COL19A1: variants seen among roughly 807,000 people sequenced by gnomAD.
COL19A1 encodes collagen type XIX alpha 1 chain.
In COL19A1, 159 loss-of-function variants were observed where a neutral mutation model predicts 190.2. The ratio of observed to expected loss-of-function variants is 0.84; its 90% CI spans 0.73 to 0.95. The LOEUF (loss-of-function observed/expected upper bound fraction) is 0.95. Among genes scored for constraint, COL19A1 ranks in the 40% least tolerant of loss-of-function variants. COL19A1 has a pLI of 0.00. For synonymous variants in COL19A1, 509 were observed against 458.9 expected (o/e 1.11, Z -1.39); for missense variants, 1,418 against 1,431.9 (o/e 0.99, Z 0.16).
chr6:70,165,912 C>G, intron 36 of COL19A1, 29 bp from the exon 37 acceptor site: 1 of 1,610,312 alleles, frequency 6.2e-7, no homozygotes, highest in South Asian at 1.1e-5. Flanking sequence ...AACGTCTACG[C>G]CGCTGATATG....
intron 40 of COL19A1, among the ~76,000 whole-genome samples, chr6:70,169,786 A>G (rs1383272947): frequency 6.6e-6 from 1 of 152,094 alleles, no homozygotes; most frequent in East Asian, 1.9e-4. Flanking sequence ...TTGTTGATAA[A>G]AATTTCCTCC....
rs1423214203 is a variant in COL19A1, at chr6:70,047,282, A to C, written c.1170+11343A>C. On this transcript the variant is annotated intron_variant, in intron 14 of 50. Coordinates refer to ENST00000620364, the MANE Select transcript of COL19A1 (RefSeq NM_001858.6). ...AACCAGTGAGTTACTGATAAACTTAAATTATCTCTTCTGTTGATATTTGTA... is the reference window on the plus strand; with the variant it reads ...AACCAGTGAGTTACTGATAAACTTACATTATCTCTTCTGTTGATATTTGTA... 2.6e-5 allele frequency among the ~76,000 whole-genome samples: 4 copies of C among 152,258 alleles called. No homozygotes were observed. In the East Asian group the frequency reaches 7.7e-4, roughly 29 times the overall value.
intron 16 of COL19A1, among the ~76,000 whole-genome samples, chr6:70,105,224 C>A (rs1330242362): frequency 2.0e-5 from 3 of 152,164 alleles, no homozygotes; most frequent in Non-Finnish European, 4.4e-5. Context: ...GTGGCATGAT[C>A]TCGGCTCACT....
At chr6:70,038,074 T>G (rs1779447367) in intron 14 of COL19A1, among the ~76,000 whole-genome samples, 3 of 152,236 alleles carry the variant, frequency 2.0e-5, no homozygotes, top group Non-Finnish European at 2.9e-5. Flanking sequence ...ACTAAATATT[T>G]AATTGATCTT....
intron 14 of COL19A1, among the ~76,000 whole-genome samples, chr6:70,040,058 G>A (rs1779559824): frequency 6.6e-6 from 1 of 152,048 alleles, no homozygotes; most frequent in South Asian, 2.1e-4. Context: ...GAACCACTGA[G>A]TCCAGCTGGG....
chr6:69,982,527 C>G (rs1338502648), intron 11 of COL19A1, among the ~76,000 whole-genome samples: 1 of 151,856 alleles, frequency 6.6e-6, no homozygotes, highest in South Asian at 2.1e-4. Flanking sequence ...GGGTGAGCCA[C>G]TGCACCTGGC....
At position 70,210,637 on chromosome 6, in the gene COL19A1, T is replaced by C. The variant is rs1055853191; in HGVS notation, c.*3363T>C. On this transcript the variant is annotated 3_prime_UTR_variant, in exon 51 of 51. Coordinates refer to ENST00000620364, the MANE Select transcript of COL19A1 (RefSeq NM_001858.6). ...TTTAGCCTTTCTGCAGTCTGTCTCA[T>C]CTGTTGGGAACCTGTGATATACCTC... Among the ~76,000 whole-genome samples the C allele has an allele frequency of 2.6e-5, 4 of 152,174 alleles. No individual in the cohort carries two copies. The highest frequency in any genetic ancestry group is 2.9e-5 in the Non-Finnish European group (2 of 68,004).
intron 15 of COL19A1, among the ~76,000 whole-genome samples, chr6:70,099,661 G>A (rs1783505301): frequency 6.6e-6 from 1 of 152,138 alleles, no homozygotes; most frequent in African/African-American, 2.4e-5. Flanking sequence ...GCTTTGTATA[G>A]CACATCTTTA....
At chr6:70,148,708 C>G (rs909884031) in intron 27 of COL19A1, among the ~76,000 whole-genome samples, 5 of 152,086 alleles carry the variant, frequency 3.3e-5, no homozygotes, top group Admixed American at 3.3e-4. Flanking sequence ...AGGTGGATCA[C>G]TTGAGGTCAG....
rs1359362990 is a variant in COL19A1 at position 70,023,695 on chromosome 6, T to C, written c.1080+15T>C. On this transcript the variant is annotated intron_variant, in intron 12 of 50. Transcript: ENST00000620364. ...ATGGAGAAAATGTAAGCCTAACTCT[T>C]TTTTCTGATACTCTGTTTACATTTT... 6.2e-7 allele frequency: 1 copy of C among 1,602,804 alleles called. No homozygotes were observed. Among genetic ancestry groups the C allele is most frequent in the South Asian group, 1.1e-5 (1 of 89,120 alleles).
chr6:70,008,206 A>G (rs1454587365), intron 11 of COL19A1, among the ~76,000 whole-genome samples: 1 of 151,860 alleles, frequency 6.6e-6, no homozygotes, highest in Non-Finnish European at 1.5e-5. Context: ...TAAAAATGGG[A>G]AAAAAATAAC....
At chr6:70,066,389 A>T (rs1017637729) in intron 14 of COL19A1, among the ~76,000 whole-genome samples, 8 of 152,126 alleles carry the variant, frequency 5.3e-5, no homozygotes, top group Non-Finnish European at 1.0e-4. Flanking sequence ...CATAGGTGGG[A>T]ATTGAGCAAT....
intron 14 of COL19A1, among the ~76,000 whole-genome samples, chr6:70,046,395 C>A (rs141810750): frequency 6.6e-6 from 1 of 152,184 alleles, no homozygotes; most frequent in Non-Finnish European, 1.5e-5. Flanking sequence ...AAATTCCATA[C>A]AATGGCCTAC....
chr6:70,144,256 G>C lies in COL19A1; in HGVS notation c.1673G>C (p.Gly558Ala), dbSNP rs1298547863. 3 of 1,612,144 alleles carry C rather than the reference G, an allele frequency of 1.9e-6. No homozygotes were observed. In the South Asian group the frequency reaches 3.3e-5, roughly 18 times the overall value. ...ATCCCAGGAAAACAAGGCATTAAAGGAGAAAAGGTATAGTTTACATTTTCC... is the reference window on the plus strand; with the variant it reads ...ATCCCAGGAAAACAAGGCATTAAAGCAGAAAAGGTATAGTTTACATTTTCC... ...HGIPGKQGIKGEKGDPGGIIG... is the reference protein window; with the variant it reads ...HGIPGKQGIKAEKGDPGGIIG... Residue 558 changes from glycine to alanine, a missense_variant, in exon 24 of 51, where the codon GGA becomes GCA. By Grantham distance (60) the Gly-to-Ala change is moderately conservative. Coordinates refer to ENST00000620364, the MANE Select transcript of COL19A1 (RefSeq NM_001858.6).
At chr6:69,912,598 T>C (rs1311031312) in intron 4 of COL19A1, among the ~76,000 whole-genome samples, 1 of 152,168 alleles carries the variant, frequency 6.6e-6, no homozygotes, top group Non-Finnish European at 1.5e-5. Context: ...GGCCCACAGG[T>C]GCCAGAATTA....
chr6:70,145,243 C>T (rs1450451369), intron 25 of COL19A1, among the ~76,000 whole-genome samples: 3 of 152,088 alleles, frequency 2.0e-5, no homozygotes, highest in Non-Finnish European at 4.4e-5. Context: ...CATTGCAACT[C>T]TATTCATAGT....
chr6:70,105,618 C>A (rs937231196), intron 16 of COL19A1, among the ~76,000 whole-genome samples: 3 of 152,014 alleles, frequency 2.0e-5, no homozygotes, highest in East Asian at 1.9e-4. Context: ...ATTTATATTT[C>A]TTTTCCAACA....
At position 69,938,069 on chromosome 6, in the gene COL19A1, C is replaced by T; in HGVS notation, c.905C>T (p.Ser302Leu). Residue 302 changes from serine (S) to leucine (L), a missense_variant, in exon 9 of 51, where the codon TCA (serine) becomes TTA (leucine). Physicochemically the swap from Ser to Leu is moderately radical, Grantham distance 145. Transcript: ENST00000620364. ...GEAGLPGAPG[S>L]PGQKGHKGEP... ...GCAGGATTACCAGGAGCTCCGGGTT[C>T]ACCTGGGCAGAAAGGGCATAAAGGA... is the stretch of plus-strand genomic sequence containing the variant. 6.2e-7 allele frequency: 1 copy of T among 1,612,616 alleles called. No homozygotes were observed. Among genetic ancestry groups the T allele is most frequent in the South Asian group, 1.1e-5 (1 of 91,028 alleles).
At chr6:70,096,279 A>G (rs2150181331) in intron 15 of COL19A1, among the ~76,000 whole-genome samples, 1 of 148,524 alleles carries the variant, frequency 6.7e-6, no homozygotes, top group African/African-American at 2.5e-5. Context: ...TTTTTTTTAG[A>G]AACGGGGTTT....
Sources: allele counts gnomAD v4.1 joint callset (sites outside exome capture counted in the v4.1 genomes callset), GRCh38; gene constraint gnomAD v4.1.1; transcripts MANE v1.5; gene names NCBI Gene and HGNC (gene_info 2026-07-23, HGNC 2026-07-21).